The following PDE4B variants were observed in gnomAD, a reference collection of about 807,000 sequenced individuals.
The protein encoded by PDE4B is phosphodiesterase 4B, also known as 3',5'-cyclic-AMP phosphodiesterase 4B.
Under a neutral mutation model 82.2 loss-of-function variants are expected in PDE4B, and 20 were observed. The ratio of observed to expected loss-of-function variants is 0.24; its 90% CI spans 0.17 to 0.35. The LOEUF is 0.35. Among genes scored for constraint, PDE4B ranks in the 10% least tolerant of loss-of-function variants. The pLI is 1.00. For missense variants in PDE4B, 655 were observed against 907.2 expected, an observed-to-expected ratio of 0.72 and a Z score of 3.57; for synonymous variants, 320 against 318.9, an observed-to-expected ratio of 1.00 and a Z score of -0.04.
chr1:66,101,190 C>G (rs144620145), intron 3 of PDE4B, among the ~76,000 whole-genome samples: 4,360 of 152,236 alleles, frequency 0.029, 231 homozygotes, highest in African/African-American at 0.098. Context: ...CATAGTATTC[C>G]ATGGTGTATA....
chr1:66,208,821 G>T (rs1214192077), intron 3 of PDE4B, among the ~76,000 whole-genome samples: 6 of 152,138 alleles, frequency 3.9e-5, no homozygotes, highest in Non-Finnish European at 7.3e-5. Context: ...TGTGCTAAAT[G>T]CTTAGCTTGC....
chr1:66,162,164 A>G (rs1570371091), intron 3 of PDE4B, among the ~76,000 whole-genome samples: 1 of 152,062 alleles, frequency 6.6e-6, no homozygotes, highest in Admixed American at 6.6e-5. Flanking sequence ...AAACTTTTAT[A>G]GTGTAACGTG....
At chr1:66,340,835 T>G (rs972875990) in intron 8 of PDE4B, among the ~76,000 whole-genome samples, 14 of 152,128 alleles carry the variant, frequency 9.2e-5, no homozygotes, top group Non-Finnish European at 1.9e-4. Context: ...AAGAAAATAG[T>G]AAAAAGAAAA....
At chr1:66,338,770 G>A (rs1245215727) in intron 8 of PDE4B, among the ~76,000 whole-genome samples, 2 of 152,156 alleles carry the variant, frequency 1.3e-5, no homozygotes, top group Non-Finnish European at 2.9e-5. Context: ...TGTAATCCCA[G>A]CACTTTGGGA....
chr1:66,358,520 CAA>C (rs1662455131), intron 9 of PDE4B, among the ~76,000 whole-genome samples: 1 of 151,838 alleles, frequency 6.6e-6, no homozygotes, highest in Non-Finnish European at 1.5e-5. Flanking sequence ...ACTAAAAATA[CAA>C]AAATAGCTGG....
At chr1:66,245,717 A>T (rs1488194954) in intron 3 of PDE4B, among the ~76,000 whole-genome samples, 1 of 152,218 alleles carries the variant, frequency 6.6e-6, no homozygotes, top group African/African-American at 2.4e-5. Flanking sequence ...AAATTCATCT[A>T]CAGTACCTTG....
At chr1:66,010,129 A>G (rs554641137) in intron 3 of PDE4B, among the ~76,000 whole-genome samples, 2 of 152,194 alleles carry the variant, frequency 1.3e-5, no homozygotes, top group South Asian at 4.1e-4. Flanking sequence ...ATAAGTGAAT[A>G]AATAGACAAA....
intron 1 of PDE4B, among the ~76,000 whole-genome samples, chr1:65,865,821 A>T (rs1222864626): frequency 6.6e-6 from 1 of 151,652 alleles, no homozygotes; most frequent in East Asian, 2.0e-4. Flanking sequence ...AGCCGTTTTT[A>T]TTCGGCCATC....
At chr1:66,242,630 A>C (rs1020437717) in intron 3 of PDE4B, among the ~76,000 whole-genome samples, 1 of 152,188 alleles carries the variant, frequency 6.6e-6, no homozygotes, top group East Asian at 1.9e-4. Flanking sequence ...CCTGGGGACA[A>C]TTGCAGGCAA....
chr1:65,974,916 A>T (rs934948658), intron 3 of PDE4B, among the ~76,000 whole-genome samples: 1 of 152,176 alleles, frequency 6.6e-6, no homozygotes, highest in African/African-American at 2.4e-5. Flanking sequence ...TTATAGCAGC[A>T]TAAGAACAGA....
intron 3 of PDE4B, among the ~76,000 whole-genome samples, chr1:66,039,109 C>T (rs1315120026): frequency 6.6e-6 from 1 of 152,008 alleles, no homozygotes; most frequent in Non-Finnish European, 1.5e-5. Context: ...GATAATTTCT[C>T]ATGGGCTTGG....
intron 13 of PDE4B, 118 bp from the exon 14 acceptor site, chr1:66,367,578 T>C (rs925217498): frequency 1.3e-6 from 1 of 776,136 alleles, no homozygotes; most frequent in Non-Finnish European, 2.0e-6. Context: ...AAATGACATG[T>C]AGCTGGTGGT....
At chr1:65,956,785 G>T (rs1316897615) in intron 3 of PDE4B, among the ~76,000 whole-genome samples, 1 of 152,090 alleles carries the variant, frequency 6.6e-6, no homozygotes, top group Non-Finnish European at 1.5e-5. Context: ...TCATTGGTGT[G>T]ATTGCTGTCT....
At chr1:65,844,544 G>T (rs1233789538) in intron 1 of PDE4B, among the ~76,000 whole-genome samples, 2 of 152,042 alleles carry the variant, frequency 1.3e-5, no homozygotes, top group Non-Finnish European at 2.9e-5. Flanking sequence ...GCCTTATTTT[G>T]TGTTGGATTT....
chr1:65,999,050 A>G (rs1255984730), intron 3 of PDE4B, among the ~76,000 whole-genome samples: 1 of 152,188 alleles, frequency 6.6e-6, no homozygotes, highest in Non-Finnish European at 1.5e-5. Flanking sequence ...TGGATTTTTA[A>G]AATACTTACA....
At chr1:66,051,236 G>T (rs1367739166) in intron 3 of PDE4B, among the ~76,000 whole-genome samples, 1 of 151,866 alleles carries the variant, frequency 6.6e-6, no homozygotes, top group African/African-American at 2.4e-5. Context: ...AATTAAATTT[G>T]AAAGAAAACA....
intron 3 of PDE4B, among the ~76,000 whole-genome samples, chr1:66,097,060 C>G (rs562240257): frequency 1.3e-5 from 2 of 152,038 alleles, no homozygotes; most frequent in Admixed American, 1.3e-4. Flanking sequence ...CTGGCATGAA[C>G]ATGTGAGTAC....
intron 7 of PDE4B, among the ~76,000 whole-genome samples, chr1:66,331,587 A>G (rs752228596): frequency 1.2e-4 from 18 of 152,258 alleles, no homozygotes; most frequent in Admixed American, 2.6e-4. Context: ...GTGAAATACC[A>G]ACAATATTTC....
chr1:66,153,330 T>C (rs1646439857), intron 3 of PDE4B, among the ~76,000 whole-genome samples: 1 of 152,188 alleles, frequency 6.6e-6, no homozygotes, highest in Non-Finnish European at 1.5e-5. Flanking sequence ...CCTTGGCTGC[T>C]TTCTGGTTTA....
Sources: allele counts gnomAD v4.1 joint callset (sites outside exome capture counted in the v4.1 genomes callset), GRCh38; gene constraint gnomAD v4.1.1; transcripts MANE v1.5; gene names NCBI Gene and HGNC (gene_info 2026-07-23, HGNC 2026-07-21).